POMC: variants seen among roughly 807,000 people sequenced by gnomAD.
POMC encodes proopiomelanocortin.
In POMC, 19 loss-of-function variants were observed where a neutral mutation model predicts 18.5. The observed-to-expected ratio is 1.03, with a 90% CI of 0.72 to 1.51. The LOEUF (loss-of-function observed/expected upper bound fraction) is 1.51. Among genes scored for constraint, POMC ranks in the 40% most tolerant of loss-of-function variants. The probability of loss-of-function intolerance (pLI) is 0.00; values close to 1 mark genes in which losing one functional copy is unlikely to be tolerated. For missense variants in POMC, 451 were observed against 379.0 expected, an observed-to-expected ratio of 1.19 and a Z score of -1.58; for synonymous variants, 179 against 161.9, an observed-to-expected ratio of 1.11 and a Z score of -0.80.
chr2:25,162,145 T>C (rs1050229141), intron 2 of POMC, among the ~76,000 whole-genome samples: 9 of 152,176 alleles, frequency 5.9e-5, no homozygotes, highest in Non-Finnish European at 1.3e-4. Context: ...GTGGTAGTTG[T>C]TGGCACTTAA....
At position 25,161,771 on chromosome 2, in the gene POMC, G is replaced by A. The variant is rs577904857; in HGVS notation, c.133-19C>T. On this transcript the variant is annotated intron_variant, in intron 2 of 2. Transcript: ENST00000395826. The surrounding 1 kb of genome is among the most constrained non-coding windows in gnomAD (Gnocchi z 5.7). ...TGCACTCCTGGGGGAAGACGCGAGGGCATGAGGGCAGCCCGTGCCCCGCAC... is the reference window on the plus strand; with the variant it reads ...TGCACTCCTGGGGGAAGACGCGAGGACATGAGGGCAGCCCGTGCCCCGCAC... The A allele has an allele frequency of 2.6e-5, 41 of 1,578,090 alleles. 1 individual carries two copies. In the African/African-American group the frequency reaches 5.0e-4, roughly 19 times the overall value.
chr2:25,161,203 A>G lies in POMC; in HGVS notation c.682T>C (p.Trp228Arg). ...CGCTTGTCCTTGGGCGGGCTGCCCC[A>G]GCGGAAGTGCTCCATCCTGTAGGGG... is the stretch of plus-strand genomic sequence containing the variant. ...EGPYRMEHFR[W>R]GSPPKDKRYG... The change falls in exon 3 of 3, where the codon TGG (tryptophan) becomes CGG (arginine). Residue 228 changes from tryptophan (W) to arginine (R), a missense_variant. Transcript: ENST00000395826. This position sits in a 1 kb window ranked among gnomAD's most constrained non-coding sequence, Gnocchi z 5.7. The G allele has an allele frequency of 6.2e-7, 1 of 1,613,456 alleles. No homozygotes were observed. The highest frequency in any genetic ancestry group is 8.5e-7 in the Non-Finnish European group (1 of 1,179,946).
Position 25,161,090 on chromosome 2 carries a change from CTTCTTGTAGGCG to C in POMC, c.783_794del (p.Asn261_Lys264del), listed in dbSNP as rs1558627387. Reference sequence around the variant, plus strand: ...GGGCCCCGCTGTGCCCTCACTCGCCCTTCTTGTAGGCGTTCTTGATGATGGCGTTTTTGAACA... The same window carrying C: ...GGGCCCCGCTGTGCCCTCACTCGCCCTTCTTGATGATGGCGTTTTTGAACA... On this transcript the variant is annotated inframe_deletion, in exon 3 of 3. Transcript: ENST00000395826. The surrounding 1 kb of genome is among the most constrained non-coding windows in gnomAD (Gnocchi z 5.7). 9 of 1,613,830 alleles carry C rather than the reference CTTCTTGTAGGCG, an allele frequency of 5.6e-6. No individual in the cohort carries two copies. Among genetic ancestry groups the C allele is most frequent in the East Asian group, 2.2e-5 (1 of 44,850 alleles).
At chr2:25,162,788 T>C (rs1390066357) in intron 2 of POMC, among the ~76,000 whole-genome samples, 2 of 152,198 alleles carry the variant, frequency 1.3e-5, no homozygotes, top group African/African-American at 4.8e-5. Context: ...CTTTATGCCC[T>C]ACCCCAGCTC....
chr2:25,167,091 A>G (rs1231903000), intron 1 of POMC, among the ~76,000 whole-genome samples: 1 of 152,208 alleles, frequency 6.6e-6, no homozygotes, highest in Non-Finnish European at 1.5e-5. Flanking sequence ...AGCTCAACAA[A>G]TCATTTTGCT....
rs35449292 is a variant in POMC, at chr2:25,168,568, C to G, written c.-91G>C. The G allele has an allele frequency of 6.6e-6, 1 of 152,366 alleles. No homozygotes were observed. 9.4% of individuals were successfully genotyped at this position (152,366 alleles called of 1,614,324 possible). On this transcript the variant is annotated 5_prime_UTR_variant, in exon 1 of 3. Coordinates refer to ENST00000395826, the MANE Select transcript of POMC (RefSeq NM_000939.4). This position sits in a 1 kb window ranked among gnomAD's most constrained non-coding sequence, Gnocchi z 5.2. ...TCTCTCGGTCGCGGCTCTTCTTCCC[C>G]TCCTTCGCCGCCGCTTGGTCCCGCG...
chr2:25,163,266 G>C (rs1248365999), intron 2 of POMC, among the ~76,000 whole-genome samples: 2 of 152,186 alleles, frequency 1.3e-5, no homozygotes, highest in African/African-American at 4.8e-5. Context: ...GACTCAGAGA[G>C]GTGATAGGAC....
At chr2:25,167,089 A>C (rs935618752) in intron 1 of POMC, among the ~76,000 whole-genome samples, 8 of 152,222 alleles carry the variant, frequency 5.3e-5, no homozygotes, top group Non-Finnish European at 1.0e-4. Context: ...TGAGCTCAAC[A>C]AATCATTTTG....
At position 25,161,571 on chromosome 2, in the gene POMC, T is replaced by C. The variant is rs757795459; in HGVS notation, c.314A>G (p.Glu105Gly). 3.8e-6 allele frequency: 6 copies of C among 1,563,898 alleles called. No individual in the cohort carries two copies. The highest frequency in any genetic ancestry group is 1.9e-5 in the Admixed American group (1 of 53,028). ...GCAGTCTTCGCCCGCTGAGACGTCC[T>C]CGCGCTTCTGCCCTGCGCCGCTGCT... ...SGSSGAGQKR[E>G]DVSAGEDCGP... The change falls in exon 3 of 3, where the codon GAG becomes GGG. Residue 105 changes from glutamate to glycine, a missense_variant. Physicochemically the swap from Glu to Gly is moderately conservative, Grantham distance 98. Coordinates refer to ENST00000395826, the MANE Select transcript of POMC (RefSeq NM_000939.4). This position sits in a 1 kb window ranked among gnomAD's most constrained non-coding sequence, Gnocchi z 5.7.
rs996324182 is a variant in POMC at position 25,166,325 on chromosome 2, A to G, written c.-20-1533T>C. On this transcript the variant is annotated intron_variant, in intron 1 of 2. Transcript: ENST00000395826. ...ACCTTGGTGTCCTCTCCTGGCTCCA[A>G]GGGACAGGCTGTTCCCATTGTACCC... Among the ~76,000 whole-genome samples the G allele has an allele frequency of 4.6e-5, 7 of 152,224 alleles. No individual in the cohort carries two copies. In the South Asian group the frequency reaches 8.3e-4, roughly 18 times the overall value.
Position 25,161,524 on chromosome 2 carries a change from G to T in POMC, c.361C>A (p.Pro121Thr), listed in dbSNP as rs771268645. 6.3e-7 allele frequency: 1 copy of T among 1,590,056 alleles called. No individual in the cohort carries two copies. The highest frequency in any genetic ancestry group is 1.3e-5 in the African/African-American group (1 of 74,156). The stretch of plus-strand genomic sequence containing the variant: ...TTGGCACCATCGCTGCGGGGCTCGG[G>T]GCCGCCCTCAGGCAGCGGGCCGCAG... ...EDCGPLPEGGPEPRSDGAKPG... is the reference protein window; with the variant it reads ...EDCGPLPEGGTEPRSDGAKPG... Residue 121 changes from proline to threonine, a missense_variant, in exon 3 of 3, where the codon CCC becomes ACC. Transcript: ENST00000395826. This position sits in a 1 kb window ranked among gnomAD's most constrained non-coding sequence, Gnocchi z 5.7.
chr2:25,161,489 C>T lies in POMC; in HGVS notation c.396G>A (p.Pro132=). 6.2e-7 allele frequency: 1 copy of T among 1,605,896 alleles called. No individual in the cohort carries two copies. The highest frequency in any genetic ancestry group is 8.5e-7 in the Non-Finnish European group (1 of 1,177,234). Residue 132 remains proline, a synonymous_variant, in exon 3 of 3, where the codon CCG becomes CCA. Transcript: ENST00000395826. The surrounding 1 kb of genome is among the most constrained non-coding windows in gnomAD (Gnocchi z 5.7). ...TGGAGTAGGAGCGCTTGCCCTCGCGCGGGCCCGGCTTGGCACCATCGCTGC... is the reference window on the plus strand; with the variant it reads ...TGGAGTAGGAGCGCTTGCCCTCGCGTGGGCCCGGCTTGGCACCATCGCTGC... ...EPRSDGAKPG[P]REGKRSYSME...
At chr2:25,167,619 T>C (rs1261159485) in intron 1 of POMC, among the ~76,000 whole-genome samples, 2 of 152,270 alleles carry the variant, frequency 1.3e-5, no homozygotes, top group East Asian at 1.9e-4. Context: ...CTATTCTGCA[T>C]TGTAATTGAC....
chr2:25,167,034 T>A (rs191565240), intron 1 of POMC, among the ~76,000 whole-genome samples: 1 of 152,318 alleles, frequency 6.6e-6, no homozygotes, highest in African/African-American at 2.4e-5. Context: ...AACTTTATAG[T>A]AGAACTACAC....
rs372623816 is a variant in POMC, at chr2:25,161,040, G to A, written c.*41C>T. On this transcript the variant is annotated 3_prime_UTR_variant, in exon 3 of 3. Coordinates refer to ENST00000395826, the MANE Select transcript of POMC (RefSeq NM_000939.4). The surrounding 1 kb of genome is among the most constrained non-coding windows in gnomAD (Gnocchi z 5.7). The stretch of plus-strand genomic sequence containing the variant: ...GGGGAGAGCAAGGGGCTTTGGGGTC[G>A]ACCTCCTGGGGGAGGGTAGCCCTGG... 13 of 1,613,064 alleles carry A rather than the reference G, an allele frequency of 8.1e-6. No individual in the cohort carries two copies. The highest frequency in any genetic ancestry group is 1.1e-5 in the Non-Finnish European group (13 of 1,179,840).
chr2:25,167,714 G>A (rs1028013955), intron 1 of POMC, among the ~76,000 whole-genome samples: 11 of 152,132 alleles, frequency 7.2e-5, no homozygotes, highest in Non-Finnish European at 1.3e-4. Flanking sequence ...GTCTGAATCC[G>A]AAAAAATCCG....
At chr2:25,165,271 G>A (rs984856666) in intron 1 of POMC, among the ~76,000 whole-genome samples, 2 of 152,226 alleles carry the variant, frequency 1.3e-5, no homozygotes, top group African/African-American at 4.8e-5. Flanking sequence ...TGAAACTCCT[G>A]CTCAAGATGG....
In POMC at chr2:25,164,637, G is replaced by A. The variant is rs778322412; in HGVS notation, c.132+4C>T. ...AGCCAAGATGGCAGTCATGGCCCAC[G>A]TACCAGCAGGTTGCTTTCCGTGGTG... On this transcript the variant is annotated splice_donor_region_variant and intron_variant, in intron 2 of 2. Coordinates refer to ENST00000395826, the MANE Select transcript of POMC (RefSeq NM_000939.4). 1.1e-5 allele frequency: 17 copies of A among 1,613,890 alleles called. No individual in the cohort carries two copies. The highest frequency in any genetic ancestry group is 8.5e-6 in the Non-Finnish European group (10 of 1,179,916).
In POMC at chr2:25,161,176, A is replaced by G; in HGVS notation, c.709T>C (p.Tyr237His). The change falls in exon 3 of 3, where the codon TAC becomes CAC. Residue 237 changes from tyrosine to histidine, a missense_variant. Tyr to His is a moderately conservative substitution (Grantham distance 83). Coordinates refer to ENST00000395826, the MANE Select transcript of POMC (RefSeq NM_000939.4). The surrounding 1 kb of genome is among the most constrained non-coding windows in gnomAD (Gnocchi z 5.7). ...TTCTCGGAGGTCATGAAACCGCCGT[A>G]GCGCTTGTCCTTGGGCGGGCTGCCC... ...RWGSPPKDKR[Y>H]GGFMTSEKSQ... is the part of the protein sequence containing the mutation. 6.2e-7 allele frequency: 1 copy of G among 1,613,906 alleles called. No individual in the cohort carries two copies. Among genetic ancestry groups the G allele is most frequent in the Non-Finnish European group, 8.5e-7 (1 of 1,180,020 alleles).
Sources: allele counts gnomAD v4.1 joint callset (sites outside exome capture counted in the v4.1 genomes callset), GRCh38; gene constraint gnomAD v4.1.1; non-coding constraint Gnocchi (gnomAD v3.1); transcripts MANE v1.5; gene names NCBI Gene and HGNC (gene_info 2026-07-23, HGNC 2026-07-21).